The following GRIA1 variants were observed in gnomAD, a reference collection of about 807,000 sequenced individuals.
GRIA1 encodes glutamate ionotropic receptor AMPA type subunit 1, also known as glutamate receptor 1.
GRIA1 carries 31 observed loss-of-function variants against 99.2 expected under a neutral mutation model. The observed-to-expected ratio is 0.31, with a 90% CI of 0.23 to 0.42. GRIA1 has a LOEUF of 0.42. Ranked by LOEUF, GRIA1 falls within the 10% of genes least tolerant of loss-of-function variation. The pLI, the probability that GRIA1 is intolerant of heterozygous loss-of-function variation, is 1.00. For missense variants in GRIA1, 782 were observed against 1,157.5 expected, an observed-to-expected ratio of 0.68 and a Z score of 4.71; for synonymous variants, 438 against 432.4, an observed-to-expected ratio of 1.01 and a Z score of -0.16.
At chr5:153,570,068 C>T (rs1300258499) in intron 2 of GRIA1, among the ~76,000 whole-genome samples, 1 of 152,196 alleles carries the variant, frequency 6.6e-6, no homozygotes, top group Non-Finnish European at 1.5e-5. Flanking sequence ...GTTGTTCACA[C>T]TCTTACCCAC....
At chr5:153,706,892 C>T (rs1337917530) in intron 11 of GRIA1, among the ~76,000 whole-genome samples, 2 of 151,930 alleles carry the variant, frequency 1.3e-5, no homozygotes, top group African/African-American at 2.4e-5. Context: ...ATCAGGAGTT[C>T]GAGACCAGCC....
At position 153,657,981 on chromosome 5, in the gene GRIA1, C is replaced by T. The variant is rs140891978; in HGVS notation, c.699+2109C>T. Among the ~76,000 whole-genome samples the T allele has an allele frequency of 2.2e-3, 331 of 152,220 alleles. 2 individuals are homozygous for T. The highest frequency in any genetic ancestry group is 3.8e-3 in the Admixed American group (58 of 15,290). ...CCTTAACATCCCTTGACTCCCAGAT[C>T]CTTAGTGCTAGAGCGGACTTAGGAA... On this transcript the variant is annotated intron_variant, in intron 5 of 15. Transcript: ENST00000285900.
chr5:153,620,858 CT>C (rs1309309692), intron 2 of GRIA1, among the ~76,000 whole-genome samples: 2 of 152,158 alleles, frequency 1.3e-5, no homozygotes, highest in African/African-American at 4.8e-5. Flanking sequence ...TACCCTAGTT[CT>C]GCCTTTATTT....
chr5:153,647,319 C>A, intron 3 of GRIA1, 152 bp downstream of exon 3: 2 of 944,422 alleles, frequency 2.1e-6, no homozygotes, highest in Non-Finnish European at 3.1e-6. Flanking sequence ...TTATCAGTAG[C>A]TGACCTCTAA....
intron 2 of GRIA1, among the ~76,000 whole-genome samples, chr5:153,608,410 C>CCA (rs1561685501): frequency 2.0e-5 from 3 of 151,994 alleles, no homozygotes; most frequent in African/African-American, 4.8e-5. Context: ...TCACTGTAAC[C>CCA]CACATTCTTT....
rs370462370 is a variant in GRIA1 at position 153,551,738 on chromosome 5, T to TC, written c.220+57675dup. Among the ~76,000 whole-genome samples the TC allele has an allele frequency of 4.2e-3, 633 of 152,264 alleles. 5 individuals are homozygous for TC. The highest frequency in any genetic ancestry group is 0.015 in the African/African-American group (612 of 41,558). ...ATCACTATGCTTTCATAGCCCATCCTCCTCCCTGAACCCCTGCTTTCATGC... is the reference window on the plus strand; with the variant it reads ...ATCACTATGCTTTCATAGCCCATCCTCCCTCCCTGAACCCCTGCTTTCATGC... On this transcript the variant is annotated intron_variant, in intron 2 of 15. Coordinates refer to ENST00000285900, the MANE Select transcript of GRIA1 (RefSeq NM_000827.4).
intron 8 of GRIA1, among the ~76,000 whole-genome samples, chr5:153,696,208 T>G (rs1313376040): frequency 6.6e-6 from 1 of 152,138 alleles, no homozygotes; most frequent in Non-Finnish European, 1.5e-5. Flanking sequence ...ATACTTAAAA[T>G]TGAAAGGATA....
In GRIA1 at chr5:153,764,428, C is replaced by G. The variant is rs775039270; in HGVS notation, c.1824-6C>G. ...GCTGCTGATGCCTCTTCCCTTTGGCCTGCAGGTCCCTGTCTGGTCGCATCG... is the reference window on the plus strand; with the variant it reads ...GCTGCTGATGCCTCTTCCCTTTGGCGTGCAGGTCCCTGTCTGGTCGCATCG... On this transcript the variant is annotated splice_region_variant and splice_polypyrimidine_tract_variant and intron_variant, in intron 11 of 15. Coordinates refer to ENST00000285900, the MANE Select transcript of GRIA1 (RefSeq NM_000827.4). 1.9e-6 allele frequency: 3 copies of G among 1,612,024 alleles called. No homozygotes were observed. The highest frequency in any genetic ancestry group is 2.5e-6 in the Non-Finnish European group (3 of 1,178,142).
intron 11 of GRIA1, among the ~76,000 whole-genome samples, chr5:153,761,696 T>C (rs1235601428): frequency 1.3e-5 from 2 of 152,166 alleles, no homozygotes; most frequent in Non-Finnish European, 1.5e-5. Flanking sequence ...AATCAGTACA[T>C]CAAAGAGATA....
rs1167715880 is a variant in GRIA1 at position 153,563,174 on chromosome 5, C to CA, written c.220+69126dup. Among the ~76,000 whole-genome samples, 573 of 89,164 alleles carry CA rather than the reference C, an allele frequency of 6.4e-3. 2 individuals carry two copies. The highest frequency in any genetic ancestry group is 0.011 in the African/African-American group (260 of 24,748). The allele number at this position is 89,164 out of a possible 152,430, so 58.5% of individuals were successfully genotyped here. On this transcript the variant is annotated intron_variant, in intron 2 of 15. Transcript: ENST00000285900. The stretch of plus-strand genomic sequence containing the variant: ...TTGGCGACAGAGCGAGACTCTGTCT[C>CA]AAAAAAAAAAAAAAAAACCTTCTTG...
intron 6 of GRIA1, 23 bp from the exon 7 acceptor site, chr5:153,676,971 A>C: frequency 7.3e-7 from 1 of 1,370,856 alleles, no homozygotes; most frequent in Non-Finnish European, 9.5e-7. Context: ...TTGATACCTA[A>C]CTGTCTCCAT....
chr5:153,753,772 T>C (rs1284697420), intron 11 of GRIA1, among the ~76,000 whole-genome samples: 1 of 151,666 alleles, frequency 6.6e-6, no homozygotes, highest in Non-Finnish European at 1.5e-5. Context: ...GCTAATAAAA[T>C]TCAGGTGACT....
intron 15 of GRIA1, among the ~76,000 whole-genome samples, chr5:153,806,491 T>C (rs994799893): frequency 6.6e-6 from 1 of 152,182 alleles, no homozygotes; most frequent in Non-Finnish European, 1.5e-5. Flanking sequence ...GGTCTCGATC[T>C]CCTGACTTCG....
At chr5:153,793,486 G>A (rs1306276909) in intron 13 of GRIA1, among the ~76,000 whole-genome samples, 1 of 152,210 alleles carries the variant, frequency 6.6e-6, no homozygotes, top group Non-Finnish European at 1.5e-5. Flanking sequence ...AATAGAAGAT[G>A]AGGCATGTTA....
At chr5:153,698,179 G>A in intron 9 of GRIA1, 25 bp downstream of exon 9, 1 of 1,278,018 alleles carries the variant, frequency 7.8e-7, no homozygotes, top group East Asian at 2.3e-5. Flanking sequence ...CTTCATCAAG[G>A]TTACTTGGGA....
chr5:153,626,186 A>C (rs984597627), intron 2 of GRIA1, among the ~76,000 whole-genome samples: 1 of 152,218 alleles, frequency 6.6e-6, no homozygotes, highest in African/African-American at 2.4e-5. Flanking sequence ...ATAAGAATAG[A>C]TTTTAAATGA....
rs372497667 is a variant in GRIA1 at position 153,530,594 on chromosome 5, G to T, written c.220+36529G>T. On this transcript the variant is annotated intron_variant, in intron 2 of 15. Coordinates refer to ENST00000285900, the MANE Select transcript of GRIA1 (RefSeq NM_000827.4). ...CATTACCCAGTGGCAGATAGTTTCC[G>T]CTGTGCTGTTACAATCTATTTGACT... 3.9e-5 allele frequency among the ~76,000 whole-genome samples: 6 copies of T among 152,198 alleles called. No homozygotes were observed. In the South Asian group the frequency reaches 8.3e-4, roughly 21 times the overall value.
intron 13 of GRIA1, among the ~76,000 whole-genome samples, chr5:153,792,214 C>T (rs932936287): frequency 5.9e-5 from 9 of 152,128 alleles, no homozygotes; most frequent in African/African-American, 2.2e-4. Flanking sequence ...GATCATGAGC[C>T]CATCAATGTA....
At chr5:153,493,216 C>T (rs1754089606) in intron 1 of GRIA1, among the ~76,000 whole-genome samples, 1 of 152,182 alleles carries the variant, frequency 6.6e-6, no homozygotes, top group Non-Finnish European at 1.5e-5. Flanking sequence ...GCACAAGGTT[C>T]CACCATGCAA....
Sources: allele counts gnomAD v4.1 joint callset (sites outside exome capture counted in the v4.1 genomes callset), GRCh38; gene constraint gnomAD v4.1.1; transcripts MANE v1.5; gene names NCBI Gene and HGNC (gene_info 2026-07-23, HGNC 2026-07-21).